The following NBEA variants were observed in gnomAD, a reference collection of about 807,000 sequenced individuals.
The protein encoded by NBEA is neurobeachin, also known as lysosomal-trafficking regulator 2.
In NBEA, 44 loss-of-function variants were observed where a neutral mutation model predicts 343.4. That is an observed-to-expected ratio of 0.13 (90% CI 0.10 to 0.16). The LOEUF (loss-of-function observed/expected upper bound fraction) is 0.16. NBEA is among the 10% of genes least tolerant of loss of function. The pLI is 1.00. For missense variants in NBEA, 2,555 were observed against 3,631.3 expected (o/e 0.70, Z 7.62); for synonymous variants, 1,175 against 1,238.7 (o/e 0.95, Z 1.08).
chr13:35,271,589 A>G (rs1399865841), intron 34 of NBEA, among the ~76,000 whole-genome samples: 1 of 152,208 alleles, frequency 6.6e-6, no homozygotes, highest in Non-Finnish European at 1.5e-5. Context: ...ACCCATTGCA[A>G]GGAAGCTAAA....
rs142621259 is a variant in NBEA, at chr13:35,190,704, C to T, written c.4928-5160C>T. ...GCCACATTATGTTATTTAAAATATC[C>T]AGTTTACAACAAAAAGAATTATGAG... On this transcript the variant is annotated intron_variant, in intron 30 of 58. Transcript: ENST00000379939. Among the ~76,000 whole-genome samples, 19 of 152,160 alleles carry T rather than the reference C, an allele frequency of 1.2e-4. No homozygotes were observed. In the East Asian group the frequency reaches 2.3e-3, roughly 19 times the overall value.
intron 30 of NBEA, among the ~76,000 whole-genome samples, chr13:35,192,558 G>A (rs909425532): frequency 2.6e-5 from 4 of 151,790 alleles, no homozygotes; most frequent in African/African-American, 9.7e-5. Flanking sequence ...GATGTTTTTA[G>A]TACTATGTAA....
intron 35 of NBEA, among the ~76,000 whole-genome samples, chr13:35,299,648 C>A (rs2036397623): frequency 6.6e-6 from 1 of 152,040 alleles, no homozygotes; most frequent in Admixed American, 6.6e-5. Context: ...GCATTCAAAC[C>A]CAAAGTTAAG....
chr13:35,149,450 G>A (rs2068637156), intron 18 of NBEA, among the ~76,000 whole-genome samples: 1 of 152,076 alleles, frequency 6.6e-6, no homozygotes, highest in Non-Finnish European at 1.5e-5. Context: ...TTTGCTGTAT[G>A]TCATGCCACT....
At chr13:35,265,481 T>A (rs2033597512) in intron 34 of NBEA, among the ~76,000 whole-genome samples, 1 of 151,962 alleles carries the variant, frequency 6.6e-6, no homozygotes, top group African/African-American at 2.4e-5. Context: ...AAAGCTATAG[T>A]AACCCAAACA....
At chr13:35,000,593 A>AACACAC (rs58091499) in intron 1 of NBEA, among the ~76,000 whole-genome samples, 7,922 of 147,742 alleles carry the variant, frequency 0.054, 273 homozygotes, top group African/African-American at 0.096. Context: ...TAATATATAT[A>AACACAC]ACACACACAC....
intron 49 of NBEA, among the ~76,000 whole-genome samples, chr13:35,642,281 ATG>A (rs1456936348): frequency 6.6e-6 from 1 of 152,192 alleles, no homozygotes; most frequent in East Asian, 1.9e-4. Context: ...CAAAATCATA[ATG>A]TGTCTTACAA....
At chr13:35,030,120 GTATTTAGCTTTGTTTTT>G (rs1007751448) in intron 1 of NBEA, among the ~76,000 whole-genome samples, 4 of 151,570 alleles carry the variant, frequency 2.6e-5, no homozygotes, top group African/African-American at 9.7e-5. Flanking sequence ...CAGATTTTTA[GTATTTAGCTTTGTTTTT>G]TATTTAGCTT....
intron 39 of NBEA, among the ~76,000 whole-genome samples, chr13:35,447,660 T>C (rs2046117827): frequency 6.6e-6 from 1 of 152,154 alleles, no homozygotes; most frequent in Non-Finnish European, 1.5e-5. Context: ...ATTTTAATGT[T>C]TTCATAGGCA....
At chr13:35,103,129 T>C (rs1256638725) in intron 11 of NBEA, among the ~76,000 whole-genome samples, 1 of 151,814 alleles carries the variant, frequency 6.6e-6, no homozygotes, top group African/African-American at 2.4e-5. Flanking sequence ...ATGATTAAGA[T>C]GTTTCTTTAT....
chr13:35,445,821 T>TAC (rs2045999598), intron 39 of NBEA, among the ~76,000 whole-genome samples: 1 of 123,042 alleles, frequency 8.1e-6, no homozygotes, highest in Non-Finnish European at 1.7e-5. Flanking sequence ...TATATATGTA[T>TAC]ATATATATAT....
chr13:35,320,409 T>A (rs1336141502), intron 36 of NBEA, among the ~76,000 whole-genome samples: 1 of 152,224 alleles, frequency 6.6e-6, no homozygotes, highest in Non-Finnish European at 1.5e-5. Context: ...ACTTTAAGAA[T>A]GTTGAATATT....
chr13:35,418,081 T>C (rs2044044333), intron 38 of NBEA, among the ~76,000 whole-genome samples: 1 of 152,154 alleles, frequency 6.6e-6, no homozygotes, highest in South Asian at 2.1e-4. Flanking sequence ...TGTTTTGTTT[T>C]CCATTTGCTT....
At chr13:35,406,311 T>TTC (rs398117189) in intron 38 of NBEA, among the ~76,000 whole-genome samples, 1 of 145,126 alleles carries the variant, frequency 6.9e-6, no homozygotes, top group Non-Finnish European at 1.5e-5. Flanking sequence ...TTTTTTTTTT[T>TTC]CATTTATTTC....
chr13:35,441,370 T>C (rs570540032), intron 39 of NBEA, among the ~76,000 whole-genome samples: 15 of 152,326 alleles, frequency 9.8e-5, no homozygotes, highest in African/African-American at 2.9e-4. Context: ...TTCTAATCTA[T>C]AGTAATCTGA....
chr13:35,334,920 A>G (rs1381351074), intron 36 of NBEA, among the ~76,000 whole-genome samples: 1 of 152,162 alleles, frequency 6.6e-6, no homozygotes, highest in Non-Finnish European at 1.5e-5. Flanking sequence ...TGCTCAAGAA[A>G]TCATTGGCCT....
chr13:35,476,035 C>G (rs1181308562), intron 41 of NBEA: 1 of 1,614,086 alleles, frequency 6.2e-7, no homozygotes, highest in Admixed American at 1.7e-5. Context: ...AACTACTTTG[C>G]AGACTTCCCG....
intron 45 of NBEA, among the ~76,000 whole-genome samples, chr13:35,580,757 T>G (rs190055130): frequency 4.7e-4 from 72 of 152,288 alleles, no homozygotes; most frequent in African/African-American, 1.7e-3. Context: ...CCTTATTAGG[T>G]AAAAATTCAA....
chr13:35,613,338 A>G (rs1436701448), intron 48 of NBEA, among the ~76,000 whole-genome samples: 3 of 150,538 alleles, frequency 2.0e-5, no homozygotes, highest in South Asian at 4.2e-4. Flanking sequence ...TTAACATAAT[A>G]TCCTCCAGGT....
Sources: allele counts gnomAD v4.1 joint callset (sites outside exome capture counted in the v4.1 genomes callset), GRCh38; gene constraint gnomAD v4.1.1; transcripts MANE v1.5; gene names NCBI Gene and HGNC (gene_info 2026-07-23, HGNC 2026-07-21).